Variants in SLC12A3 observed in about 807,000 individuals in gnomAD.
SLC12A3 encodes Na-Cl cotransporter.
SLC12A3 carries 104 observed loss-of-function variants against 121.0 expected under a neutral mutation model. The ratio of observed to expected loss-of-function variants is 0.86; its 90% CI spans 0.73 to 1.01. The LOEUF (loss-of-function observed/expected upper bound fraction) is 1.01. SLC12A3 is among the 50% of genes least tolerant of loss of function. The pLI is 0.00. For missense variants in SLC12A3, 1,328 were observed against 1,356.3 expected (o/e 0.98, Z 0.33); for synonymous variants, 536 against 533.4 (o/e 1.00, Z -0.07).
At chr16:56,870,044 C>T (rs1341134301) in intron 4 of SLC12A3, 52 bp from the exon 5 acceptor site, 5 of 1,605,892 alleles carry the variant, frequency 3.1e-6, no homozygotes, top group South Asian at 1.1e-5. Context: ...CCTGAGTCCA[C>T]CCCAGCCAAC....
At chr16:56,880,371 G>A in intron 12 of SLC12A3, 118 bp downstream of exon 12, 1 of 1,292,974 alleles carries the variant, frequency 7.7e-7, no homozygotes. Flanking sequence ...CTGACAGTTA[G>A]TGGGCACTAA....
At chr16:56,881,143 G>T (rs1371814749) in intron 12 of SLC12A3, among the ~76,000 whole-genome samples, 4 of 152,250 alleles carry the variant, frequency 2.6e-5, no homozygotes, top group African/African-American at 7.2e-5. Flanking sequence ...TGGGATGGGG[G>T]TAGACTACTG....
intron 6 of SLC12A3, among the ~76,000 whole-genome samples, chr16:56,871,476 G>A (rs1174766973): frequency 6.6e-6 from 1 of 152,322 alleles, no homozygotes; most frequent in East Asian, 1.9e-4. Context: ...GGCCCTACAG[G>A]CAGGGCAGGA....
intron 17 of SLC12A3, 36 bp from the exon 18 acceptor site, chr16:56,887,889 T>C: frequency 7.2e-6 from 11 of 1,536,478 alleles, no homozygotes; most frequent in Non-Finnish European, 9.9e-6. Context: ...TCTGCCCCTC[T>C]GATGGGTTCC....
intron 7 of SLC12A3, 42 bp downstream of exon 7, chr16:56,872,504 G>C: frequency 1.9e-6 from 3 of 1,589,238 alleles, no homozygotes; most frequent in Non-Finnish European, 2.6e-6. Flanking sequence ...CTGGGGACAG[G>C]GACTCTCTAC....
intron 25 of SLC12A3, 141 bp downstream of exon 25, chr16:56,904,603 G>A (rs2055583003): frequency 2.5e-6 from 2 of 801,096 alleles, no homozygotes; most frequent in Admixed American, 4.0e-5. Context: ...CATAAACATA[G>A]CCCTGGCGAT....
At position 56,886,232 on chromosome 16, in the gene SLC12A3, C is replaced by T. The variant is rs962657992; in HGVS notation, c.1926-132C>T. ...TCACCCTGGATTTATAGGTGGGAAG[C>T]CGAGGCCCCAAGCATGTAGGGTCAT... is the stretch of plus-strand genomic sequence containing the variant. On this transcript the variant is annotated intron_variant, in intron 15 of 25. Transcript: ENST00000563236. 4 of 650,158 alleles carry T rather than the reference C, an allele frequency of 6.2e-6. No individual in the cohort carries two copies. The African/African-American group carries it at 7.2e-5, about 12-fold the overall frequency. The allele number at this position is 650,158 out of a possible 1,614,324, so 40.3% of individuals were successfully genotyped here.
chr16:56,912,478 C>T (rs79431690), intron 25 of SLC12A3, among the ~76,000 whole-genome samples: 2,330 of 152,266 alleles, frequency 0.015, 56 homozygotes, highest in African/African-American at 0.054. Flanking sequence ...AGGACAAAGA[C>T]GCTGAGCTGG....
intron 23 of SLC12A3, among the ~76,000 whole-genome samples, chr16:56,900,265 G>A (rs1254487837): frequency 1.3e-5 from 2 of 152,122 alleles, no homozygotes; most frequent in African/African-American, 4.8e-5. Context: ...TAGGAGCTGT[G>A]CTTGGTGCTG....
Position 56,893,031 on chromosome 16 carries a change from T to C in SLC12A3, c.2498T>C (p.Ile833Thr). Residue 833 changes from isoleucine (I) to threonine (T), a missense_variant, in exon 21 of 26, where the codon ATC (isoleucine) becomes ACC (threonine). Transcript: ENST00000563236. ...GAGCAGGGCAAGAAGACCATAGACA[T>C]CTACTGGCTCTTTGACGATGGAGGT... is the stretch of plus-strand genomic sequence containing the variant. The part of the protein sequence containing the change: ...QSEQGKKTID[I>T]YWLFDDGGLT... 1 of 1,614,116 alleles carries C rather than the reference T, an allele frequency of 6.2e-7. No homozygotes were observed. Among genetic ancestry groups the C allele is most frequent in the Non-Finnish European group, 8.5e-7 (1 of 1,179,956 alleles).
In SLC12A3 at chr16:56,892,955, G is replaced by A; in HGVS notation, c.2422G>A (p.Asp808Asn). ...EDGKEASARV[D>N]PKALVKEEQA... ...TGACCCGCCCCCACCTCCTGCAGTG[G>A]ACCCCAAGGCCCTGGTGAAGGAGGA... The change falls in exon 21 of 26, where the codon GAC becomes AAC. Residue 808 changes from aspartate (D) to asparagine (N), a missense_variant and splice_region_variant. Asp to Asn is a conservative substitution (Grantham distance 23, BLOSUM62 1). Transcript: ENST00000563236. The A allele has an allele frequency of 6.2e-7, 1 of 1,614,070 alleles. No homozygotes were observed. Among genetic ancestry groups the A allele is most frequent in the Non-Finnish European group, 8.5e-7 (1 of 1,179,942 alleles).
At chr16:56,893,124 C>A in intron 21 of SLC12A3, 70 bp downstream of exon 21, 1 of 1,265,334 alleles carries the variant, frequency 7.9e-7, no homozygotes, top group Non-Finnish European at 1.1e-6. Context: ...CCTTCCTTCT[C>A]CTTCCTGGCC....
intron 25 of SLC12A3, among the ~76,000 whole-genome samples, chr16:56,911,157 C>T (rs761207963): frequency 1.3e-5 from 2 of 152,188 alleles, no homozygotes; most frequent in Admixed American, 6.5e-5. Context: ...GGATGTTGTC[C>T]GCCTCTTGCA....
In SLC12A3 at chr16:56,904,332, G is replaced by A. The variant is rs12708966; in HGVS notation, c.2857-63G>A. The A allele has an allele frequency of 0.021, 30,143 of 1,410,554 alleles. 619 individuals are homozygous for A. The highest frequency in any genetic ancestry group is 0.075 in the African/African-American group (5,287 of 70,526). 87.4% of individuals were successfully genotyped at this position (1,410,554 alleles called of 1,614,324 possible). On this transcript the variant is annotated intron_variant, in intron 24 of 25. Coordinates refer to ENST00000563236, the MANE Select transcript of SLC12A3 (RefSeq NM_001126108.2). ...TGAAAATGTTAATGAGGCCATAGAC[G>A]TGGTGAAGGATTGAGTGACCTCGAT...
Position 56,879,963 on chromosome 16 carries a change from G to A in SLC12A3, c.1444-167G>A, listed in dbSNP as rs71387141. Among the ~76,000 whole-genome samples, 5,117 of 152,202 alleles carry A rather than the reference G, an allele frequency of 0.034. 149 individuals are homozygous for A. The highest frequency in any genetic ancestry group is 0.078 in the African/African-American group (3,245 of 41,504). ...TCTTTTACTGTCTTTATGGTAGGGC[G>A]GGGAGGGTGGAGGGGGTGAGCATCC... On this transcript the variant is annotated intron_variant, in intron 11 of 25. Transcript: ENST00000563236.
rs552469476 is a variant in SLC12A3 at position 56,888,266 on chromosome 16, A to G, written c.2285+235A>G. On this transcript the variant is annotated intron_variant, in intron 18 of 25. Coordinates refer to ENST00000563236, the MANE Select transcript of SLC12A3 (RefSeq NM_001126108.2). Reference sequence around the variant, plus strand: ...TGCACTCCAGCCTAGGCGAAAGAGCAAGACCCCATCTTTGAAAAAGAAGTT... The same window carrying G: ...TGCACTCCAGCCTAGGCGAAAGAGCGAGACCCCATCTTTGAAAAAGAAGTT... Among the ~76,000 whole-genome samples, 6 of 152,382 alleles carry G rather than the reference A, an allele frequency of 3.9e-5. No individual in the cohort carries two copies. In the South Asian group the frequency reaches 1.2e-3, roughly 32 times the overall value.
chr16:56,872,146 T>A (rs1222276453), intron 6 of SLC12A3, among the ~76,000 whole-genome samples: 1 of 152,196 alleles, frequency 6.6e-6, no homozygotes, highest in Admixed American at 6.5e-5. Context: ...TCCTCCTTAT[T>A]TATCAGCCAA....
chr16:56,906,497 T>C, intron 25 of SLC12A3: 1 of 188,386 alleles, frequency 5.3e-6, no homozygotes, highest in Non-Finnish European at 1.1e-5. Context: ...TCCATGAGGG[T>C]TTTTCCTCCC....
chr16:56,874,224 G>T (rs2055138919), intron 8 of SLC12A3, among the ~76,000 whole-genome samples: 1 of 152,242 alleles, frequency 6.6e-6, no homozygotes, highest in African/African-American at 2.4e-5. Flanking sequence ...GAATCATGGT[G>T]AAATGCAGTG....
Sources: gnomAD v4.1 joint callset for allele counts (sites outside exome capture counted in the v4.1 genomes callset) on GRCh38, gnomAD v4.1.1 for gene constraint, MANE v1.5 for transcripts, NCBI Gene and HGNC (gene_info 2026-07-23, HGNC 2026-07-21) for gene names.